Variants in MED16 observed in about 807,000 individuals in gnomAD.
MED16 encodes the protein mediator complex subunit 16.
In MED16, 81 loss-of-function variants were observed where a neutral mutation model predicts 84.4. That is an observed-to-expected ratio of 0.96 (90% CI 0.80 to 1.15). The LOEUF is 1.15. Among genes scored for constraint, MED16 ranks in the 50% most tolerant of loss-of-function variants. The pLI is 0.00. For missense variants in MED16, 1,585 were observed against 1,245.9 expected (o/e 1.27, Z -4.10); for synonymous variants, 897 against 552.2 (o/e 1.62, Z -8.76).
At chr19:870,135 G>A (rs965113615) in intron 13 of MED16, among the ~76,000 whole-genome samples, 3 of 152,196 alleles carry the variant, frequency 2.0e-5, no homozygotes, top group Admixed American at 6.5e-5. Context: ...AGGGCCCTGG[G>A]CCATATGCTA....
rs201618878 is a variant in MED16, at chr19:875,396, G to A, written c.1619C>T (p.Thr540Met). 2.3e-5 allele frequency: 37 copies of A among 1,608,088 alleles called. No homozygotes were observed. Among genetic ancestry groups the A allele is most frequent in the Admixed American group, 3.3e-5 (2 of 60,004 alleles). ...GTGGTAGTCGCACACGCGGGTCACC[G>A]TGCAGGGCGACAGCTTGCAGAGCGA... Reference protein sequence around the residue: ...KASLCKLSPCTVTRVCDYHTK... With the variant: ...KASLCKLSPCMVTRVCDYHTK... Residue 540 changes from threonine to methionine, a missense_variant, in exon 10 of 16, where the codon ACG becomes ATG. Coordinates refer to ENST00000325464, the MANE Select transcript of MED16 (RefSeq NM_005481.3).
At chr19:875,176 A>T (rs544770223) in intron 10 of MED16, 68 bp downstream of exon 10, 27 of 1,133,998 alleles carry the variant, frequency 2.4e-5, no homozygotes, top group African/African-American at 2.2e-4. Context: ...AAGAGTAAAA[A>T]AAATAAATAA....
In MED16 at chr19:884,005, G is replaced by A. The variant is rs569620954; in HGVS notation, c.985+898C>T. Among the ~76,000 whole-genome samples the A allele has an allele frequency of 5.9e-5, 9 of 152,206 alleles. No homozygotes were observed. The South Asian group carries it at 8.3e-4, about 14-fold the overall frequency. ...CCTTTACTGCCTCTGCGGCCACAAT[G>A]GGCAGTTGACATAACCACCTGCAGG... is the stretch of plus-strand genomic sequence containing the variant. On this transcript the variant is annotated intron_variant, in intron 6 of 15. Coordinates refer to ENST00000325464, the MANE Select transcript of MED16 (RefSeq NM_005481.3).
Position 890,137 on chromosome 19 carries a change from C to G in MED16, c.277G>C (p.Gly93Arg), listed in dbSNP as rs1568334003. Reference protein sequence around the residue: ...AITCLEWDQSGSRLLSADADG... With the variant: ...AITCLEWDQSRSRLLSADADG... ...TGGCCACGTGGGACCAGCGCCTCAC[C>G]TGACTGGTCCCACTCCAGGCAGGTG... The change falls in exon 3 of 16, where the codon GGC becomes CGC. Residue 93 changes from glycine to arginine, a missense_variant and splice_region_variant. Transcript: ENST00000325464. 2 of 1,545,940 alleles carry G rather than the reference C, an allele frequency of 1.3e-6. No homozygotes were observed. Among genetic ancestry groups the G allele is most frequent in the Non-Finnish European group, 1.7e-6 (2 of 1,144,390 alleles).
intron 9 of MED16, among the ~76,000 whole-genome samples, chr19:876,622 C>A (rs2036236902): frequency 6.6e-6 from 1 of 152,066 alleles, no homozygotes; most frequent in Non-Finnish European, 1.5e-5. Flanking sequence ...TGGGAGCACA[C>A]CCCACACGCA....
intron 4 of MED16, among the ~76,000 whole-genome samples, chr19:889,021 C>T (rs888072253): frequency 6.6e-6 from 1 of 151,348 alleles, no homozygotes; most frequent in Admixed American, 6.6e-5. Context: ...CAGGTGCCCC[C>T]CCAACCCTGG....
intron 14 of MED16, 136 bp downstream of exon 14, chr19:868,727 C>T (rs1410739077): frequency 1.8e-6 from 2 of 1,111,760 alleles, no homozygotes; most frequent in Non-Finnish European, 2.5e-6. Flanking sequence ...TCCTGGGATC[C>T]TGGCTCCAAC....
At position 869,308 on chromosome 19, in the gene MED16, G is replaced by A. The variant is rs536548240; in HGVS notation, c.2316-362C>T. Among the ~76,000 whole-genome samples the A allele has an allele frequency of 2.0e-5, 3 of 152,216 alleles. No homozygotes were observed. In the South Asian group the frequency reaches 6.2e-4, roughly 32 times the overall value. ...TGACGCTCCCATTTGAGGCTGGACA[G>A]AAGCAGGTACATGGGGACTTCCACA... is the stretch of plus-strand genomic sequence containing the variant. On this transcript the variant is annotated intron_variant, in intron 13 of 15. Coordinates refer to ENST00000325464, the MANE Select transcript of MED16 (RefSeq NM_005481.3).
chr19:880,439 G>A (rs955010094), intron 7 of MED16, among the ~76,000 whole-genome samples: 6 of 152,348 alleles, frequency 3.9e-5, no homozygotes, highest in African/African-American at 1.2e-4. Context: ...GGAGCGCAGG[G>A]GAGGGGGGCA....
chr19:882,808 C>T (rs1433598107), intron 6 of MED16, among the ~76,000 whole-genome samples: 1 of 152,248 alleles, frequency 6.6e-6, no homozygotes, highest in African/African-American at 2.4e-5. Context: ...TGCTCTGTGC[C>T]ACCCGCATCA....
At chr19:878,200 G>A (rs368024977) in intron 8 of MED16, among the ~76,000 whole-genome samples, 352 of 121,742 alleles carry the variant, frequency 2.9e-3, no homozygotes, top group African/African-American at 0.011. Context: ...ACGTGCCCCA[G>A]CAGCTCACCT....
rs1568333709 is a variant in MED16 at position 889,677 on chromosome 19, C to T, written c.408G>A (p.Trp136Ter). The T allele has an allele frequency of 6.2e-7, 1 of 1,613,842 alleles. No individual in the cohort carries two copies. Among genetic ancestry groups the T allele is most frequent in the Non-Finnish European group, 8.5e-7 (1 of 1,179,900 alleles). ...VEGDPIVALS[W>*]LHNGVKLALH... The stretch of plus-strand genomic sequence containing the variant: ...GGGCCAGTTTCACACCATTGTGCAG[C>T]CAGGACAGGGCCACAATGGGGTCCC... Residue 136 changes from tryptophan (W) to a stop codon, truncating the protein, a stop_gained, in exon 4 of 16, where the codon TGG (tryptophan) becomes TGA (stop). Coordinates refer to ENST00000325464, the MANE Select transcript of MED16 (RefSeq NM_005481.3). LOFTEE classifies it high-confidence loss of function.
rs143476326 is a variant in MED16 at position 876,193 on chromosome 19, G to A, written c.1561-739C>T. ...TTTCTGATGGCACAGAGGAAAACAA[G>A]TGAAGCTCAGAGGGCTGGTCCCACG... is the stretch of plus-strand genomic sequence containing the variant. On this transcript the variant is annotated intron_variant, in intron 9 of 15. Transcript: ENST00000325464. Among the ~76,000 whole-genome samples, 1,213 of 152,242 alleles carry A rather than the reference G, an allele frequency of 8.0e-3. 9 individuals carry two copies. The highest frequency in any genetic ancestry group is 0.014 in the Middle Eastern group (4 of 294).
intron 4 of MED16, among the ~76,000 whole-genome samples, chr19:889,023 C>A (rs1293940125): frequency 1.3e-5 from 2 of 151,198 alleles, no homozygotes; most frequent in Non-Finnish European, 3.0e-5. Context: ...GGTGCCCCCC[C>A]AACCCTGGCC....
intron 13 of MED16, 141 bp downstream of exon 13, chr19:870,896 C>A (rs2036033054): frequency 2.5e-6 from 2 of 791,478 alleles, no homozygotes; most frequent in African/African-American, 2.1e-5. Context: ...CCGGGCAGGA[C>A]ATGGAGGCGG....
chr19:873,442 G>A lies in MED16; in HGVS notation c.1905+7C>T, dbSNP rs1210594554. 6.2e-7 allele frequency: 1 copy of A among 1,606,014 alleles called. No individual in the cohort carries two copies. The highest frequency in any genetic ancestry group is 8.5e-7 in the Non-Finnish European group (1 of 1,179,496). Reference sequence around the variant, plus strand: ...GGGGCGGGGCCTTAGGGGAGAGCATGGCGCACCTGGTTGGGTAGGCTGGCC... The same window carrying A: ...GGGGCGGGGCCTTAGGGGAGAGCATAGCGCACCTGGTTGGGTAGGCTGGCC... On this transcript the variant is annotated splice_region_variant and intron_variant, in intron 11 of 15. Transcript: ENST00000325464.
rs530533298 is a variant in MED16 at position 887,170 on chromosome 19, A to G, written c.448-969T>C. 6.6e-5 allele frequency among the ~76,000 whole-genome samples: 10 copies of G among 152,108 alleles called. No individual in the cohort carries two copies. In the East Asian group the frequency reaches 1.9e-3, roughly 29 times the overall value. The stretch of plus-strand genomic sequence containing the variant: ...TGTATCATACGTATCGTACGGCTCC[A>G]TTCTAAGTTACAAGTTAAAAAAAAA... On this transcript the variant is annotated intron_variant, in intron 4 of 15. Coordinates refer to ENST00000325464, the MANE Select transcript of MED16 (RefSeq NM_005481.3).
chr19:871,677 G>C (rs1336180189), intron 12 of MED16: 5 of 1,559,086 alleles, frequency 3.2e-6, no homozygotes, highest in South Asian at 1.1e-5. Flanking sequence ...GGAAATAGCA[G>C]ATATCAAGGC....
rs1026907864 is a variant in MED16 at position 883,330 on chromosome 19, G to A, written c.985+1573C>T. On this transcript the variant is annotated intron_variant, in intron 6 of 15. Coordinates refer to ENST00000325464, the MANE Select transcript of MED16 (RefSeq NM_005481.3). ...CACGTGGGGCGGTGGGTGAAGAGCT[G>A]GGCATGGCGGGGACCGAAGCCTGGC... Among the ~76,000 whole-genome samples, 7 of 147,118 alleles carry A rather than the reference G, an allele frequency of 4.8e-5. No individual in the cohort carries two copies. In the South Asian group the frequency reaches 6.7e-4, roughly 14 times the overall value.
Sources: gnomAD v4.1 joint callset for allele counts (sites outside exome capture counted in the v4.1 genomes callset) on GRCh38, gnomAD v4.1.1 for gene constraint, MANE v1.5 for transcripts, NCBI Gene and HGNC (gene_info 2026-07-23, HGNC 2026-07-21) for gene names.